ZBTB8OS: variants seen among roughly 807,000 people sequenced by gnomAD.
The protein encoded by ZBTB8OS is tRNA-splicing ligase-activating factor archease.
Under a neutral mutation model 29.3 loss-of-function variants are expected in ZBTB8OS, and 16 were observed. The ratio of observed to expected loss-of-function variants is 0.55; its 90% CI spans 0.37 to 0.83. The LOEUF (loss-of-function observed/expected upper bound fraction) is 0.83, where lower values mean the gene tolerates loss of function less well. Among genes scored for constraint, ZBTB8OS ranks in the 40% least tolerant of loss-of-function variants. The pLI is 0.00. For missense variants in ZBTB8OS, 160 were observed against 196.9 expected (o/e 0.81, Z 1.12); for synonymous variants, 70 against 64.6 (o/e 1.08, Z -0.40).
intron 1 of ZBTB8OS, among the ~76,000 whole-genome samples, chr1:32,647,728 C>CTG (rs1234781593): frequency 6.6e-6 from 1 of 152,194 alleles, no homozygotes; most frequent in African/African-American, 2.4e-5. Context: ...GCCTGATGAT[C>CTG]TGTCATCCCC....
Position 32,621,695 on chromosome 1 carries a change from G to A in ZBTB8OS, c.*167C>T. ...TATTTGGGGAACACAGACCAAGGCT[G>A]TGCCCTGATTTTCCCTTTCTGAAAG... On this transcript the variant is annotated 3_prime_UTR_variant, in exon 7 of 7. Transcript: ENST00000468695. 1 of 604,912 alleles carries A rather than the reference G, an allele frequency of 1.7e-6. No homozygotes were observed. Among genetic ancestry groups the A allele is most frequent in the Non-Finnish European group, 2.9e-6 (1 of 350,452 alleles). The allele number at this position is 604,912 out of a possible 1,614,324, so 37.5% of individuals were successfully genotyped here.
At chr1:32,641,557 C>A (rs1311450255) in intron 1 of ZBTB8OS, among the ~76,000 whole-genome samples, 1 of 144,682 alleles carries the variant, frequency 6.9e-6, no homozygotes, top group African/African-American at 2.5e-5. Flanking sequence ...CAGGCATGAG[C>A]CACCGCGCCC....
intron 1 of ZBTB8OS, among the ~76,000 whole-genome samples, chr1:32,646,513 G>A (rs910018306): frequency 8.6e-5 from 13 of 151,080 alleles, no homozygotes; most frequent in Admixed American, 7.3e-4. Context: ...TCAGCCTCCC[G>A]AGTAGCTGGG....
intron 1 of ZBTB8OS, among the ~76,000 whole-genome samples, chr1:32,641,518 C>T (rs1482902720): frequency 1.3e-5 from 2 of 149,522 alleles, no homozygotes; most frequent in Non-Finnish European, 1.5e-5. Context: ...GGTGATCCAC[C>T]GCCTCGGCCT....
intron 6 of ZBTB8OS, among the ~76,000 whole-genome samples, chr1:32,627,119 A>G (rs781271379): frequency 9.2e-5 from 14 of 152,182 alleles, no homozygotes; most frequent in African/African-American, 1.4e-4. Context: ...TCCTGTTCCA[A>G]TAGATTTTCC....
chr1:32,631,186 T>A (rs888595787), intron 5 of ZBTB8OS, among the ~76,000 whole-genome samples: 1 of 151,140 alleles, frequency 6.6e-6, no homozygotes, highest in Non-Finnish European at 1.5e-5. Flanking sequence ...GGAGACCCCA[T>A]CTCTTCAGAA....
At chr1:32,630,321 G>A (rs1165934900) in intron 5 of ZBTB8OS, among the ~76,000 whole-genome samples, 2 of 152,082 alleles carry the variant, frequency 1.3e-5, no homozygotes, top group Non-Finnish European at 2.9e-5. Flanking sequence ...GAACTCTGGA[G>A]GCAGAGGTTG....
intron 1 of ZBTB8OS, among the ~76,000 whole-genome samples, chr1:32,648,778 C>A (rs566022265): frequency 6.6e-6 from 1 of 151,570 alleles, no homozygotes; most frequent in Non-Finnish European, 1.5e-5. Context: ...CCTGCCTCAG[C>A]CGCCCAAGCA....
upstream of ZBTB8OS, chr1:32,650,798 C>A: frequency 1.8e-6 from 1 of 555,076 alleles, no homozygotes; most frequent in Non-Finnish European, 3.1e-6. Flanking sequence ...GAATGAAACC[C>A]GTCTGGGTCT....
At chr1:32,633,566 T>G in intron 4 of ZBTB8OS, 79 bp downstream of exon 4, 1 of 1,071,052 alleles carries the variant, frequency 9.3e-7, no homozygotes, top group Non-Finnish European at 1.4e-6. Context: ...TCACATGTCC[T>G]ATTTTAAATC....
intron 1 of ZBTB8OS, among the ~76,000 whole-genome samples, chr1:32,643,596 A>G (rs1225433862): frequency 1.3e-5 from 2 of 151,482 alleles, no homozygotes; most frequent in Admixed American, 6.6e-5. Flanking sequence ...CCCGGGTTCA[A>G]GCTATTCTCC....
intron 6 of ZBTB8OS, among the ~76,000 whole-genome samples, chr1:32,622,840 A>C (rs704876): frequency 0.17 from 25,330 of 151,928 alleles, 4,426 homozygotes; most frequent in African/African-American, 0.44. Context: ...TTCTGAAATC[A>C]AAACCACCTC....
rs760775116 is a variant in ZBTB8OS at position 32,638,230 on chromosome 1, C to CTTT, written c.98-3441_98-3439dup. 3.2e-3 allele frequency among the ~76,000 whole-genome samples: 326 copies of CTTT among 102,122 alleles called. 1 individual carries two copies. The highest frequency in any genetic ancestry group is 4.9e-3 in the African/African-American group (127 of 25,984). 67.0% of individuals were successfully genotyped at this position (102,122 alleles called of 152,430 possible). On this transcript the variant is annotated intron_variant, in intron 1 of 6. Coordinates refer to ENST00000468695, the MANE Select transcript of ZBTB8OS (RefSeq NM_178547.5). Reference sequence around the variant, plus strand: ...CTCAAATTTTGGAGTCTCCAGAATTCTTTTTTTTTTTTTTTTTTTTTTTGA... The same window carrying CTTT: ...CTCAAATTTTGGAGTCTCCAGAATTCTTTTTTTTTTTTTTTTTTTTTTTTTTGA...
At chr1:32,634,390 C>T (rs1052257033) in intron 2 of ZBTB8OS, 1 of 312,730 alleles carries the variant, frequency 3.2e-6, no homozygotes, top group Non-Finnish European at 5.9e-6. Context: ...CCAGACCCGG[C>T]TAATTTTTGT....
At chr1:32,636,645 G>A (rs1385013862) in intron 1 of ZBTB8OS, among the ~76,000 whole-genome samples, 6 of 150,284 alleles carry the variant, frequency 4.0e-5, no homozygotes, top group Non-Finnish European at 5.9e-5. Flanking sequence ...AGCCAAGATC[G>A]CGCCACTGCA....
At chr1:32,637,356 G>A (rs1646049176) in intron 1 of ZBTB8OS, among the ~76,000 whole-genome samples, 2 of 152,022 alleles carry the variant, frequency 1.3e-5, no homozygotes, top group Admixed American at 6.6e-5. Context: ...GAGGTCAGGG[G>A]CTCGAGACCA....
rs531989724 is a variant in ZBTB8OS at position 32,623,438 on chromosome 1, C to T, written c.418-1490G>A. ...CTAGTGATCATTCCTCCCTCATTCT[C>T]ACTCTCAATCAACTGTGCTTCCTAG... On this transcript the variant is annotated intron_variant, in intron 6 of 6. Coordinates refer to ENST00000468695, the MANE Select transcript of ZBTB8OS (RefSeq NM_178547.5). Among the ~76,000 whole-genome samples the T allele has an allele frequency of 2.6e-5, 4 of 152,324 alleles. No individual in the cohort carries two copies. In the East Asian group the frequency reaches 5.8e-4, roughly 22 times the overall value.
intron 6 of ZBTB8OS, among the ~76,000 whole-genome samples, chr1:32,623,389 TGAGAC>T (rs1477393118): frequency 2.0e-5 from 3 of 152,246 alleles, no homozygotes; most frequent in Admixed American, 2.0e-4. Context: ...TTTCACTCTC[TGAGAC>T]AATTCTTTCT....
chr1:32,641,741 G>A (rs181901640), intron 1 of ZBTB8OS, among the ~76,000 whole-genome samples: 13 of 149,578 alleles, frequency 8.7e-5, no homozygotes, highest in African/African-American at 2.7e-4. Flanking sequence ...GTGAAACCCC[G>A]TCTCTACTAA....
Sources: allele counts gnomAD v4.1 joint callset (sites outside exome capture counted in the v4.1 genomes callset), GRCh38; gene constraint gnomAD v4.1.1; transcripts MANE v1.5; gene names NCBI Gene and HGNC (gene_info 2026-07-23, HGNC 2026-07-21).